The following PTPRN2 variants were observed in gnomAD, a reference collection of about 807,000 sequenced individuals.
PTPRN2 encodes receptor-type tyrosine-protein phosphatase N2.
PTPRN2 carries 74 observed loss-of-function variants against 118.8 expected under a neutral mutation model. That is an observed-to-expected ratio of 0.62 (90% confidence interval 0.52 to 0.76). The LOEUF (loss-of-function observed/expected upper bound fraction) is 0.76. Among genes scored for constraint, PTPRN2 ranks in the 30% least tolerant of loss-of-function variants. PTPRN2 has a pLI of 0.00. For synonymous variants in PTPRN2, 641 were observed against 608.0 expected (o/e 1.05, Z -0.80); for missense variants, 1,481 against 1,394.4 (o/e 1.06, Z -0.99).
intron 12 of PTPRN2, among the ~76,000 whole-genome samples, chr7:157,841,473 C>T (rs1003622532): frequency 1.3e-4 from 20 of 152,216 alleles, no homozygotes; most frequent in Non-Finnish European, 5.9e-5. Flanking sequence ...CCCACCCCAC[C>T]CGCAGGTGAT....
rs149344472 is a variant in PTPRN2, at chr7:158,289,173, C to T, written c.277+27646G>A. Reference sequence around the variant, plus strand: ...TAGTCTTATTTGGATTCAATCTAATCGGAGACTTTTGATCTTCCTGTACCT... The same window carrying T: ...TAGTCTTATTTGGATTCAATCTAATTGGAGACTTTTGATCTTCCTGTACCT... On this transcript the variant is annotated intron_variant, in intron 3 of 22. Transcript: ENST00000389418. 8.6e-3 allele frequency among the ~76,000 whole-genome samples: 1,315 copies of T among 152,236 alleles called. 10 individuals are homozygous for T. The highest frequency in any genetic ancestry group is 0.015 in the Non-Finnish European group (1,051 of 68,016).
rs780227668 is a variant in PTPRN2, at chr7:158,167,067, G to A, written c.774C>T (p.Pro258=). ...ACTGTGGCTCCAGGCTGCCCTCCCCGGGGGGAGCTGGGGGCCTCTGGGCAG... is the reference window on the plus strand; with the variant it reads ...ACTGTGGCTCCAGGCTGCCCTCCCCAGGGGGAGCTGGGGGCCTCTGGGCAG... ...AYAAQRPPAP[P]GEGSLEPQYL... Residue 258 remains proline, a synonymous_variant, in exon 6 of 23, where the codon CCC becomes CCT. Coordinates refer to ENST00000389418, the MANE Select transcript of PTPRN2 (RefSeq NM_002847.5). The A allele has an allele frequency of 4.0e-5, 64 of 1,590,540 alleles. No individual in the cohort carries two copies. The highest frequency in any genetic ancestry group is 1.7e-4 in the Middle Eastern group (1 of 5,998).
At chr7:158,073,272 G>T (rs1291221354) in intron 11 of PTPRN2, among the ~76,000 whole-genome samples, 1 of 152,236 alleles carries the variant, frequency 6.6e-6, no homozygotes, top group Non-Finnish European at 1.5e-5. Context: ...GCAGACATCG[G>T]CCTCCCCTCA....
chr7:157,843,523 C>T (rs1808582508), intron 12 of PTPRN2, among the ~76,000 whole-genome samples: 1 of 152,206 alleles, frequency 6.6e-6, no homozygotes, highest in South Asian at 2.1e-4. Context: ...CTGGAGAAGT[C>T]AAGAGGTCCC....
At chr7:158,375,215 C>A (rs1200839867) in intron 2 of PTPRN2, among the ~76,000 whole-genome samples, 2 of 152,250 alleles carry the variant, frequency 1.3e-5, no homozygotes, top group Non-Finnish European at 2.9e-5. Context: ...CAGCTCCCAA[C>A]TCACCAGAAT....
At chr7:157,833,135 C>G (rs948503305) in intron 12 of PTPRN2, among the ~76,000 whole-genome samples, 1 of 149,788 alleles carries the variant, frequency 6.7e-6, no homozygotes, top group African/African-American at 2.5e-5. Flanking sequence ...TGGTGCCCAT[C>G]CATCCCATAT....
chr7:158,323,015 G>A (rs1220303334), intron 2 of PTPRN2, among the ~76,000 whole-genome samples: 1 of 152,252 alleles, frequency 6.6e-6, no homozygotes, highest in Non-Finnish European at 1.5e-5. Flanking sequence ...GCCGGCAGCA[G>A]CAACCAGGCC....
chr7:158,144,786 A>G (rs991317997), intron 6 of PTPRN2, among the ~76,000 whole-genome samples: 1 of 152,204 alleles, frequency 6.6e-6, no homozygotes, highest in African/African-American at 2.4e-5. Flanking sequence ...CGTCACTGTC[A>G]ACACTGATGA....
chr7:158,259,825 CAT>C (rs749621236), intron 3 of PTPRN2, among the ~76,000 whole-genome samples: 61 of 136,670 alleles, frequency 4.5e-4, no homozygotes, highest in African/African-American at 9.3e-4. Context: ...TTTGTGTACA[CAT>C]ATGTGAATGT....
chr7:157,591,836 C>T lies in PTPRN2; in HGVS notation c.2496+3402G>A, dbSNP rs1186336929. ...TGGTGGGCAGCTCCTGTGTTCTGCA[C>T]AGAGGGATCCCCAGGTTGAAGGATG... On this transcript the variant is annotated intron_variant, in intron 17 of 22. Coordinates refer to ENST00000389418, the MANE Select transcript of PTPRN2 (RefSeq NM_002847.5). The surrounding 1 kb of genome is among the most constrained non-coding windows in gnomAD (Gnocchi z 4.4). Among the ~76,000 whole-genome samples the T allele has an allele frequency of 6.6e-6, 1 of 152,218 alleles. No homozygotes were observed. Among genetic ancestry groups the T allele is most frequent in the Non-Finnish European group, 1.5e-5 (1 of 68,030 alleles).
In PTPRN2 at chr7:157,986,886, G is replaced by A. The variant is rs1294442434; in HGVS notation, c.1724-88149C>T. On this transcript the variant is annotated intron_variant, in intron 11 of 22. Coordinates refer to ENST00000389418, the MANE Select transcript of PTPRN2 (RefSeq NM_002847.5). The surrounding 1 kb of genome is among the most constrained non-coding windows in gnomAD (Gnocchi z 4.5). ...CCCCTCCTCCAGGACCCTCCAGAGT[G>A]AATCTGGAGCGAGGGGGCCCAGTGA... Among the ~76,000 whole-genome samples, 1 of 152,144 alleles carries A rather than the reference G, an allele frequency of 6.6e-6. No homozygotes were observed. Among genetic ancestry groups the A allele is most frequent in the Non-Finnish European group, 1.5e-5 (1 of 68,038 alleles).
In PTPRN2 at chr7:158,570,407, A is replaced by G. The variant is rs1250878460; in HGVS notation, c.112+17151T>C. On this transcript the variant is annotated intron_variant, in intron 1 of 22. Transcript: ENST00000389418. This position sits in a 1 kb window ranked among gnomAD's most constrained non-coding sequence, Gnocchi z 4.5. ...GCTGCGTCCAACCAGATGAGGACAG[A>G]ACCGAGCGCCCTCCAGCACCCTCTC... Among the ~76,000 whole-genome samples, 1 of 152,226 alleles carries G rather than the reference A, an allele frequency of 6.6e-6. No individual in the cohort carries two copies.
chr7:158,130,630 A>G (rs1320534762), intron 9 of PTPRN2, among the ~76,000 whole-genome samples: 1 of 151,704 alleles, frequency 6.6e-6, no homozygotes, highest in Non-Finnish European at 1.5e-5. Flanking sequence ...TCATATGCAC[A>G]TATGCACAAA....
chr7:157,544,188 G>A lies in PTPRN2; in HGVS notation c.2977-3403C>T, dbSNP rs933181973. Among the ~76,000 whole-genome samples the A allele has an allele frequency of 3.3e-5, 5 of 151,188 alleles. No individual in the cohort carries two copies. In the South Asian group the frequency reaches 8.3e-4, roughly 25 times the overall value. ...AGAGAGACGGAGAGAGGTGGAGAGA[G>A]ATGGAGAGCTACGGAAATGAACAGT... On this transcript the variant is annotated intron_variant, in intron 22 of 22. Transcript: ENST00000389418.
intron 2 of PTPRN2, among the ~76,000 whole-genome samples, chr7:158,420,063 G>A (rs752817460): frequency 1.3e-5 from 2 of 152,136 alleles, no homozygotes; most frequent in Non-Finnish European, 2.9e-5. Context: ...CAGAGCTTTG[G>A]GGCATTTTAT....
rs145611542 is a variant in PTPRN2, at chr7:158,524,862, G to T, written c.113-35077C>A. ...CACAGCCCTCAAATACTGCATTTTT[G>T]ATCCATATTTGGTTGGAAAGATCCA... On this transcript the variant is annotated intron_variant, in intron 1 of 22. Coordinates refer to ENST00000389418, the MANE Select transcript of PTPRN2 (RefSeq NM_002847.5). 1.2e-3 allele frequency among the ~76,000 whole-genome samples: 187 copies of T among 151,606 alleles called. 4 individuals are homozygous for T. In the East Asian group the frequency reaches 0.03, roughly 24 times the overall value.
chr7:158,505,345 CT>C (rs1421426570), intron 1 of PTPRN2, among the ~76,000 whole-genome samples: 1 of 152,218 alleles, frequency 6.6e-6, no homozygotes, highest in Non-Finnish European at 1.5e-5. Flanking sequence ...GGAGTAAAAG[CT>C]TTTCGTTCCA....
intron 10 of PTPRN2, among the ~76,000 whole-genome samples, chr7:158,090,217 A>ATCCTTCCTCC (rs1563421384): frequency 4.6e-5 from 7 of 151,608 alleles, no homozygotes; most frequent in African/African-American, 4.8e-5. Flanking sequence ...CTTCACACAC[A>ATCCTTCCTCC]CCTGCTGCCT....
chr7:157,687,312 C>T (rs28698958), intron 12 of PTPRN2, among the ~76,000 whole-genome samples: 23,375 of 152,138 alleles, frequency 0.15, 1,899 homozygotes, highest in Admixed American at 0.2. Flanking sequence ...CACACAAATA[C>T]AAAACTTTAT....
Sources: allele counts gnomAD v4.1 joint callset (sites outside exome capture counted in the v4.1 genomes callset), GRCh38; gene constraint gnomAD v4.1.1; non-coding constraint Gnocchi (gnomAD v3.1); transcripts MANE v1.5; gene names NCBI Gene and HGNC (gene_info 2026-07-23, HGNC 2026-07-21).